The following TLK2 variants were observed in gnomAD, a reference collection of about 807,000 sequenced individuals.
TLK2 encodes serine/threonine-protein kinase tousled-like 2.
A neutral mutation model predicts 117.3 loss-of-function variants in TLK2; 6 were observed. That is an observed-to-expected ratio of 0.05 (90% CI 0.03 to 0.10). The LOEUF is 0.10. Ranked by LOEUF, TLK2 falls within the 10% of genes least tolerant of loss-of-function variation. The pLI is 1.00. For synonymous variants in TLK2, 257 were observed against 316.7 expected (o/e 0.81, Z 2.00); for missense variants, 299 against 901.2 (o/e 0.33, Z 8.56).
intron 2 of TLK2, among the ~76,000 whole-genome samples, chr17:62,502,598 A>G (rs2074298298): frequency 2.0e-5 from 3 of 152,334 alleles, no homozygotes; most frequent in South Asian, 4.1e-4. Flanking sequence ...AAGTAAAACT[A>G]TTTATTCTTT....
At chr17:62,485,555 C>A (rs2072242651) in intron 2 of TLK2, among the ~76,000 whole-genome samples, 1 of 152,234 alleles carries the variant, frequency 6.6e-6, no homozygotes, top group South Asian at 2.1e-4. Flanking sequence ...GGTAGGTACT[C>A]AGTTTCTCAG....
intron 16 of TLK2, among the ~76,000 whole-genome samples, chr17:62,589,489 A>G (rs2081911231): frequency 6.6e-6 from 1 of 152,192 alleles, no homozygotes; most frequent in South Asian, 2.1e-4. Context: ...TTATAAGTTG[A>G]AAGTTGAACA....
intron 20 of TLK2, among the ~76,000 whole-genome samples, chr17:62,606,919 C>CT (rs950853969): frequency 6.6e-6 from 1 of 151,020 alleles, no homozygotes; most frequent in African/African-American, 2.4e-5. Context: ...GATGGGAGTT[C>CT]TGTGTGTCCT....
In TLK2 at chr17:62,520,814, C is replaced by T. The variant is rs768426060; in HGVS notation, c.123C>T (p.Ser41=). The T allele has an allele frequency of 1.1e-5, 17 of 1,612,978 alleles. No individual in the cohort carries two copies. The highest frequency in any genetic ancestry group is 8.3e-5 in the Admixed American group (5 of 59,928). ...AGTCTTCCAACCAGAGCTTGTGCAG[C>T]GTCGGATCCTTGAGTGATAAAGAAG... ...NSESSNQSLC[S]VGSLSDKEVE... Residue 41 remains serine (S), a synonymous_variant, in exon 3 of 22, where the codon AGC becomes AGT. Transcript: ENST00000346027.
At chr17:62,577,207 C>T (rs1292755547) in intron 13 of TLK2, among the ~76,000 whole-genome samples, 3 of 152,104 alleles carry the variant, frequency 2.0e-5, no homozygotes, top group Non-Finnish European at 4.4e-5. Flanking sequence ...ATCCTCCTGC[C>T]TCGGCCTCCC....
chr17:62,473,059 C>A (rs567422089), intron 1 of TLK2, among the ~76,000 whole-genome samples: 2 of 152,284 alleles, frequency 1.3e-5, no homozygotes, highest in East Asian at 3.9e-4. Context: ...TCCCTTGGTT[C>A]CAGGTCTCCT....
chr17:62,579,446 A>G (rs1315595855), intron 14 of TLK2, among the ~76,000 whole-genome samples: 2 of 152,230 alleles, frequency 1.3e-5, no homozygotes, highest in Non-Finnish European at 2.9e-5. Context: ...CTCTCCAGAT[A>G]GGCATCCTAC....
intron 16 of TLK2, among the ~76,000 whole-genome samples, chr17:62,596,323 C>G (rs2082477670): frequency 6.6e-6 from 1 of 152,196 alleles, no homozygotes. Context: ...ATCCACCTGC[C>G]TCGGCCTCCC....
chr17:62,506,456 A>G (rs2074696898), intron 2 of TLK2, among the ~76,000 whole-genome samples: 1 of 152,180 alleles, frequency 6.6e-6, no homozygotes, highest in Non-Finnish European at 1.5e-5. Flanking sequence ...ATCATCTTAC[A>G]CCAGTTCCAG....
intron 19 of TLK2, 167 bp from the exon 20 acceptor site, chr17:62,605,963 C>T (rs1256661658): frequency 1.3e-5 from 4 of 304,666 alleles, no homozygotes; most frequent in East Asian, 5.2e-5. Flanking sequence ...GCCATGATCA[C>T]GCCACTGTAC....
intron 2 of TLK2, among the ~76,000 whole-genome samples, chr17:62,496,667 T>G (rs1251602472): frequency 6.6e-6 from 1 of 151,948 alleles, no homozygotes; most frequent in Non-Finnish European, 1.5e-5. Context: ...CTTAAAAAGT[T>G]CTTTGGGGCT....
upstream of TLK2, among the ~76,000 whole-genome samples, chr17:62,478,709 TCC>T (rs2071220729): frequency 1.0e-4 from 2 of 19,338 alleles, no homozygotes; most frequent in Non-Finnish European, 2.1e-4. Context: ...CCTCGTCCCC[TCC>T]CCCTGCTCCC....
At chr17:62,471,888 C>CTTGTTTTTTTTTTTTT (rs2070946911) in intron 1 of TLK2, among the ~76,000 whole-genome samples, 1 of 37,776 alleles carries the variant, frequency 2.6e-5, no homozygotes, top group Non-Finnish European at 4.4e-5. Flanking sequence ...GTAGTATAGT[C>CTTGTTTTTTTTTTTTT]TTTTTTTTTT....
intron 2 of TLK2, among the ~76,000 whole-genome samples, chr17:62,504,465 A>G (rs2074491027): frequency 6.6e-6 from 1 of 152,176 alleles, no homozygotes; most frequent in African/African-American, 2.4e-5. Flanking sequence ...ATACCCTTGG[A>G]CCATCCCATG....
Position 62,520,707 on chromosome 17 carries a change from T to G in TLK2, c.82-66T>G, listed in dbSNP as rs111617958. The G allele has an allele frequency of 1.9e-3, 2,688 of 1,412,676 alleles. 4 individuals carry two copies. The highest frequency in any genetic ancestry group is 2.3e-3 in the Non-Finnish European group (2,403 of 1,042,850). 87.5% of individuals were successfully genotyped at this position (1,412,676 alleles called of 1,614,324 possible). A position where few individuals can be genotyped will look rare whatever the true frequency, so the allele number is the denominator to read the frequency against. ...AAAAAAAAAAAAAAATCATCAGGCT[T>G]CTTCTTCAGTTTTGCTATCCTCTTA... is the stretch of plus-strand genomic sequence containing the variant. On this transcript the variant is annotated intron_variant, in intron 2 of 21. Transcript: ENST00000346027.
Position 62,613,601 on chromosome 17 carries a change from T to G in TLK2, c.*1036T>G, listed in dbSNP as rs1383836831. On this transcript the variant is annotated 3_prime_UTR_variant, in exon 22 of 22. Transcript: ENST00000346027. ...GATCAGTAGTTCCTACCCATAGTCT[T>G]TGTGTGCTTGCTAAATGGTGTACAT... The G allele has an allele frequency of 6.6e-6, 1 of 152,470 alleles. No homozygotes were observed. Among genetic ancestry groups the G allele is most frequent in the Non-Finnish European group, 1.5e-5 (1 of 68,044 alleles). The allele number at this position is 152,470 out of a possible 1,614,324, so 9.4% of individuals were successfully genotyped here.
At chr17:62,542,895 C>T (rs1200803403) in intron 7 of TLK2, among the ~76,000 whole-genome samples, 1 of 152,172 alleles carries the variant, frequency 6.6e-6, no homozygotes, top group Non-Finnish European at 1.5e-5. Context: ...GACCTCCTAT[C>T]TCTAAATAGT....
At chr17:62,589,174 C>T (rs1250151525) in intron 16 of TLK2, among the ~76,000 whole-genome samples, 1 of 151,998 alleles carries the variant, frequency 6.6e-6, no homozygotes, top group African/African-American at 2.4e-5. Flanking sequence ...ATTATAAAAA[C>T]AAATTTTATT....
intron 9 of TLK2, among the ~76,000 whole-genome samples, chr17:62,559,388 T>A (rs1172038360): frequency 2.0e-5 from 3 of 151,948 alleles, no homozygotes; most frequent in Non-Finnish European, 2.9e-5. Context: ...ATTTTTTATT[T>A]TTTTTTTTGA....
Sources: allele counts gnomAD v4.1 joint callset (sites outside exome capture counted in the v4.1 genomes callset), GRCh38; gene constraint gnomAD v4.1.1; transcripts MANE v1.5; gene names NCBI Gene and HGNC (gene_info 2026-07-23, HGNC 2026-07-21).